The following BCAT1 variants were observed in gnomAD, a reference collection of about 807,000 sequenced individuals.
The protein encoded by BCAT1 is branched-chain-amino-acid aminotransferase, cytosolic.
A neutral mutation model predicts 52.4 loss-of-function variants in BCAT1; 48 were observed. The ratio of observed to expected loss-of-function variants is 0.92; its 90% CI spans 0.73 to 1.16. The LOEUF is 1.16. Ranked by LOEUF, BCAT1 falls within the 50% of genes most tolerant of loss-of-function variation. The probability of loss-of-function intolerance (pLI) is 0.00; values close to 1 mark genes in which losing one functional copy is unlikely to be tolerated. For missense variants in BCAT1, 451 were observed against 457.1 expected (o/e 0.99, Z 0.12); for synonymous variants, 167 against 161.3 (o/e 1.04, Z -0.27).
chr12:24,943,737 C>A (rs1943885276), intron 1 of BCAT1, among the ~76,000 whole-genome samples: 1 of 152,292 alleles, frequency 6.6e-6, no homozygotes, highest in Non-Finnish European at 1.5e-5. Flanking sequence ...GTAATCCCAG[C>A]ACCTTGGGTG....
At chr12:24,923,788 C>T (rs568713242) in intron 1 of BCAT1, among the ~76,000 whole-genome samples, 180 of 152,324 alleles carry the variant, frequency 1.2e-3, no homozygotes, top group Non-Finnish European at 2.0e-3. Context: ...ACCAAAGTAA[C>T]ACACCTGTCT....
chr12:24,815,033 A>G lies in BCAT1; in HGVS notation c.*2975T>C, dbSNP rs1189543138. 2 of 151,892 alleles carry G rather than the reference A, an allele frequency of 1.3e-5. No individual in the cohort carries two copies. Among genetic ancestry groups the G allele is most frequent in the East Asian group, 3.9e-4 (2 of 5,184 alleles). 9.4% of individuals were successfully genotyped at this position (151,892 alleles called of 1,614,324 possible). On this transcript the variant is annotated 3_prime_UTR_variant, in exon 11 of 11. Transcript: ENST00000261192. Reference sequence around the variant, plus strand: ...AGCATGGAACACATCTCTGAAGTCAACTCTTCTTTTGGTGTATCACGAGTT... The same window carrying G: ...AGCATGGAACACATCTCTGAAGTCAGCTCTTCTTTTGGTGTATCACGAGTT...
intron 8 of BCAT1, chr12:24,834,132 T>C (rs1317799587): frequency 3.1e-6 from 3 of 979,826 alleles, no homozygotes; most frequent in Non-Finnish European, 3.6e-6. Context: ...GGCTTACCTA[T>C]ATCTTTTATG....
intron 1 of BCAT1, among the ~76,000 whole-genome samples, chr12:24,911,823 G>C (rs1943333282): frequency 6.6e-6 from 1 of 152,208 alleles, no homozygotes; most frequent in South Asian, 2.1e-4. Flanking sequence ...GATGGACAGA[G>C]AGACAAACAC....
At chr12:24,896,168 T>A (rs1366051566) in intron 2 of BCAT1, among the ~76,000 whole-genome samples, 1 of 152,210 alleles carries the variant, frequency 6.6e-6, no homozygotes, top group Non-Finnish European at 1.5e-5. Flanking sequence ...TTACCACTAT[T>A]TAATTCAAGT....
chr12:24,845,684 AAAAT>A lies in BCAT1; in HGVS notation c.675-3464_675-3461del. Among the ~76,000 whole-genome samples the A allele has an allele frequency of 2.6e-5, 4 of 152,358 alleles. No individual in the cohort carries two copies. In the Middle Eastern group the frequency reaches 0.014, roughly 518 times the overall value. On this transcript the variant is annotated intron_variant, in intron 6 of 10. Transcript: ENST00000261192. Reference sequence around the variant, plus strand: ...ATATATCTCATTGGGTTGCTTGGAAAAAATAAATAATAACAATAAAAGCCAAAGG... The same window carrying A: ...ATATATCTCATTGGGTTGCTTGGAAAAAATAATAACAATAAAAGCCAAAGG...
intron 1 of BCAT1, among the ~76,000 whole-genome samples, chr12:24,926,406 C>A (rs990654208): frequency 2.6e-5 from 4 of 152,124 alleles, no homozygotes; most frequent in African/African-American, 9.7e-5. Flanking sequence ...CAGGCCACCC[C>A]TTCTGGGAAG....
chr12:24,918,206 T>G (rs1943447658), intron 1 of BCAT1, among the ~76,000 whole-genome samples: 1 of 152,182 alleles, frequency 6.6e-6, no homozygotes, highest in African/African-American at 2.4e-5. Flanking sequence ...TGCAGCGCCC[T>G]AGTCAGCAGT....
intron 5 of BCAT1, among the ~76,000 whole-genome samples, chr12:24,873,213 A>G (rs1942231779): frequency 6.6e-6 from 1 of 152,238 alleles, no homozygotes; most frequent in Non-Finnish European, 1.5e-5. Context: ...TCATTCATGT[A>G]AATGTTTTTA....
At chr12:24,837,928 C>G (rs1025885308) in intron 7 of BCAT1, among the ~76,000 whole-genome samples, 5 of 152,164 alleles carry the variant, frequency 3.3e-5, no homozygotes, top group Non-Finnish European at 7.3e-5. Flanking sequence ...TGCAGACATC[C>G]CTAACTACTG....
chr12:24,818,606 T>G (rs763763469), intron 10 of BCAT1, among the ~76,000 whole-genome samples: 1 of 152,192 alleles, frequency 6.6e-6, no homozygotes, highest in Non-Finnish European at 1.5e-5. Context: ...GAGTGTTTTA[T>G]GCTCATAAAC....
At chr12:24,844,894 C>CAAAAAAAAAAAAAAAAAAAAAA (rs11318750) in intron 6 of BCAT1, among the ~76,000 whole-genome samples, 4 of 35,998 alleles carry the variant, frequency 1.1e-4, no homozygotes, top group Non-Finnish European at 2.0e-4. Flanking sequence ...GAGACTGTCT[C>CAAAAAAAAAAAAAAAAAAAAAA]AAAAAAAAAA....
intron 3 of BCAT1, among the ~76,000 whole-genome samples, chr12:24,887,080 A>AAAAATATATAT (rs1245203518): frequency 9.8e-5 from 4 of 40,748 alleles, no homozygotes; most frequent in Non-Finnish European, 1.6e-4. Flanking sequence ...AAAAAAAAAA[A>AAAAATATATAT]ATATATATAT....
chr12:24,817,662 G>A lies in BCAT1; in HGVS notation c.*346C>T. The A allele has an allele frequency of 5.2e-6, 1 of 190,956 alleles. No homozygotes were observed. Among genetic ancestry groups the A allele is most frequent in the Non-Finnish European group, 1.1e-5 (1 of 93,482 alleles). The allele number at this position is 190,956 out of a possible 1,614,324, so 11.8% of individuals were successfully genotyped here. A position where few individuals can be genotyped will look rare whatever the true frequency, so the allele number is the denominator to read the frequency against. On this transcript the variant is annotated 3_prime_UTR_variant, in exon 11 of 11. Coordinates refer to ENST00000261192, the MANE Select transcript of BCAT1 (RefSeq NM_005504.7). ...ACAAAAAATTGCATTTGTTTGAGGA[G>A]CAGAATGTAACTTATATTAAAGAAT...
At chr12:24,822,382 G>A (rs1940175538) in intron 10 of BCAT1, among the ~76,000 whole-genome samples, 1 of 152,178 alleles carries the variant, frequency 6.6e-6, no homozygotes, top group Admixed American at 6.5e-5. Context: ...AGCCATACTG[G>A]CAAGAATCTT....
Position 24,813,398 on chromosome 12 carries a change from G to C in BCAT1, c.*4610C>G, listed in dbSNP as rs1217623843. 1 of 151,956 alleles carries C rather than the reference G, an allele frequency of 6.6e-6. No homozygotes were observed. The highest frequency in any genetic ancestry group is 1.5e-5 in the Non-Finnish European group (1 of 67,896). The allele number at this position is 151,956 out of a possible 1,614,324, so 9.4% of individuals were successfully genotyped here. ...TATGAAAGTTATTTTCTGAATAGCT[G>C]GATCCATCACCTTCAAGCTAATACT... On this transcript the variant is annotated 3_prime_UTR_variant, in exon 11 of 11. Transcript: ENST00000261192.
At chr12:24,941,314 C>T (rs976956710) in intron 1 of BCAT1, among the ~76,000 whole-genome samples, 5 of 152,128 alleles carry the variant, frequency 3.3e-5, no homozygotes, top group African/African-American at 1.2e-4. Flanking sequence ...GAGTTTGCAG[C>T]TATATGAGTC....
chr12:24,838,674 G>C (rs776623724), intron 7 of BCAT1, among the ~76,000 whole-genome samples: 1 of 152,132 alleles, frequency 6.6e-6, no homozygotes, highest in African/African-American at 2.4e-5. Context: ...ACTAGCCTGA[G>C]GTCAAGGAAC....
rs1939637212 is a variant in BCAT1, at chr12:24,810,171, G to A, written c.*7837C>T. ...CAGACATAGCTAGAGAACAAGCCCA[G>A]TGATTATTCTACAGACCATAGGAAG... On this transcript the variant is annotated 3_prime_UTR_variant, in exon 11 of 11. Transcript: ENST00000261192. 6.6e-6 allele frequency: 1 copy of A among 152,054 alleles called. No homozygotes were observed. Among genetic ancestry groups the A allele is most frequent in the African/African-American group, 2.4e-5 (1 of 41,362 alleles). 9.4% of individuals were successfully genotyped at this position (152,054 alleles called of 1,614,324 possible). A position where few individuals can be genotyped will look rare whatever the true frequency, so the allele number is the denominator to read the frequency against.
Sources: gnomAD v4.1 joint callset for allele counts (sites outside exome capture counted in the v4.1 genomes callset) on GRCh38, gnomAD v4.1.1 for gene constraint, MANE v1.5 for transcripts, NCBI Gene and HGNC (gene_info 2026-07-23, HGNC 2026-07-21) for gene names.